The following ANO1 variants were observed in gnomAD, a reference collection of about 807,000 sequenced individuals.
ANO1 encodes anoctamin-1.
A neutral mutation model predicts 124.0 loss-of-function variants in ANO1; 59 were observed. The observed-to-expected ratio is 0.48, with a 90% CI of 0.39 to 0.59. ANO1 has a LOEUF of 0.59. Ranked by LOEUF, ANO1 falls within the 20% of genes least tolerant of loss-of-function variation. The pLI is 0.00. For missense variants in ANO1, 1,059 were observed against 1,328.0 expected (o/e 0.80, Z 3.15); for synonymous variants, 529 against 532.0 (o/e 0.99, Z 0.08).
chr11:69,975,474 C>G, the ANO1 span, among the ~76,000 whole-genome samples: 3 of 152,214 alleles, frequency 2.0e-5, no homozygotes, highest in African/African-American at 7.2e-5. Context: ...CCTATCTGTA[C>G]AAAGGAGGAT....
Position 70,128,916 on chromosome 11 carries a change from C to T in ANO1, c.1097+2721C>T, listed in dbSNP as rs1006849966. 3.3e-5 allele frequency among the ~76,000 whole-genome samples: 5 copies of T among 152,218 alleles called. No individual in the cohort carries two copies. The South Asian group carries it at 6.2e-4, about 19-fold the overall frequency. On this transcript the variant is annotated intron_variant, in intron 10 of 25. Coordinates refer to ENST00000355303, the MANE Select transcript of ANO1 (RefSeq NM_018043.7). The stretch of plus-strand genomic sequence containing the variant: ...GGCTCATGGGCAGGCCGTTGGTGTA[C>T]GCCTTGGCCCTGCCTGTCCCCAGTC...
intron 6 of ANO1, among the ~76,000 whole-genome samples, chr11:70,109,385 C>T (rs939973971): frequency 2.0e-5 from 3 of 152,128 alleles, no homozygotes; most frequent in Non-Finnish European, 4.4e-5. Flanking sequence ...GCTGCTTGGC[C>T]CCAGACCATA....
At chr11:70,069,635 T>G (rs1857819148) in intron 1 of ANO1, among the ~76,000 whole-genome samples, 1 of 152,184 alleles carries the variant, frequency 6.6e-6, no homozygotes, top group African/African-American at 2.4e-5. Flanking sequence ...AAGCCTGATT[T>G]CAGATGTAAT....
intron 1 of ANO1, among the ~76,000 whole-genome samples, chr11:70,010,179 G>GTGTATGTATA: frequency 2.4e-5 from 2 of 83,776 alleles, no homozygotes; most frequent in Non-Finnish European, 4.8e-5. Flanking sequence ...GTGTGTGTGT[G>GTGTATGTATA]TATATATATA....
At chr11:70,009,107 G>A (rs1199731664) in intron 1 of ANO1, among the ~76,000 whole-genome samples, 1 of 152,210 alleles carries the variant, frequency 6.6e-6, no homozygotes, top group Non-Finnish European at 1.5e-5. Context: ...AGACAATGGA[G>A]TGTCCTTAGC....
chr11:70,188,199 A>G lies in ANO1; in HGVS notation c.*195A>G, dbSNP rs1012696674. 4.5e-6 allele frequency: 3 copies of G among 670,606 alleles called. No homozygotes were observed. The highest frequency in any genetic ancestry group is 5.0e-6 in the Non-Finnish European group (2 of 403,620). The allele number at this position is 670,606 out of a possible 1,614,324, so 41.5% of individuals were successfully genotyped here. On this transcript the variant is annotated 3_prime_UTR_variant, in exon 26 of 26. Coordinates refer to ENST00000355303, the MANE Select transcript of ANO1 (RefSeq NM_018043.7). ...TCCCTTGTTTTTGCACAAAGCCATT[A>G]TGCAGGGAATATTTTTTAATCTGTA...
chr11:70,112,052 T>A (rs1207159687), intron 7 of ANO1, among the ~76,000 whole-genome samples: 2 of 152,224 alleles, frequency 1.3e-5, no homozygotes, highest in Non-Finnish European at 2.9e-5. Flanking sequence ...CCACAGAATG[T>A]CTTTCCTGGC....
chr11:70,135,035 C>G (rs1431246984), intron 11 of ANO1, among the ~76,000 whole-genome samples: 2 of 152,090 alleles, frequency 1.3e-5, no homozygotes, highest in Admixed American at 6.6e-5. Context: ...AGTCGGAGAC[C>G]GCAAGTCTAA....
intron 8 of ANO1, among the ~76,000 whole-genome samples, chr11:70,120,355 G>A (rs1250538046): frequency 6.6e-6 from 1 of 152,138 alleles, no homozygotes; most frequent in Admixed American, 6.5e-5. Flanking sequence ...AGGTGAGCAA[G>A]GCACGCCCCC....
intron 11 of ANO1, among the ~76,000 whole-genome samples, chr11:70,138,770 G>GT (rs1299849923): frequency 4.6e-5 from 7 of 151,206 alleles, no homozygotes; most frequent in African/African-American, 4.9e-5. Flanking sequence ...TTTAGTTGCA[G>GT]TTTTTTTTTC....
At chr11:70,185,206 C>G (rs531843526) in intron 24 of ANO1, among the ~76,000 whole-genome samples, 2 of 152,270 alleles carry the variant, frequency 1.3e-5, no homozygotes, top group South Asian at 2.1e-4. Flanking sequence ...ACTCTTGGGG[C>G]CTATTGGAGT....
At chr11:69,998,084 G>A (rs1245202879) in intron 1 of ANO1, among the ~76,000 whole-genome samples, 1 of 152,052 alleles carries the variant, frequency 6.6e-6, no homozygotes, top group Non-Finnish European at 1.5e-5. Context: ...GACCCTCCTG[G>A]ACCACTCCAT....
At chr11:69,986,667 A>C (rs951014643) in intron 1 of ANO1, among the ~76,000 whole-genome samples, 7 of 132,920 alleles carry the variant, frequency 5.3e-5, no homozygotes, top group Non-Finnish European at 9.4e-5. Flanking sequence ...AGGAACTTAG[A>C]GAGCCGGAGA....
At position 70,012,357 on chromosome 11, in the gene ANO1, TCCATCCATCCATTATTCCA is replaced by T. The variant is rs1555001249; in HGVS notation, c.58+26192_58+26210del. ...ATCTATCCATCCTTTCCTTCATCCATCCATCCATCCATTATTCCATCTATCCATCCTTTCCTTCATCCAT... is the reference window on the plus strand; with the variant it reads ...ATCTATCCATCCTTTCCTTCATCCATTCTATCCATCCTTTCCTTCATCCAT... On this transcript the variant is annotated intron_variant, in intron 1 of 27. Coordinates refer to the ANO1 transcript ENST00000531349. Among the ~76,000 whole-genome samples the T allele has an allele frequency of 3.3e-5, 5 of 151,718 alleles. No individual in the cohort carries two copies. The East Asian group carries it at 1.0e-3, about 32-fold the overall frequency.
At chr11:70,102,308 A>G (rs541133972) in intron 2 of ANO1, among the ~76,000 whole-genome samples, 4 of 152,252 alleles carry the variant, frequency 2.6e-5, no homozygotes, top group Non-Finnish European at 5.9e-5. Flanking sequence ...CAAGCTGGCC[A>G]TGAAGGTTGA....
At chr11:70,136,412 G>A (rs1477889913) in intron 11 of ANO1, among the ~76,000 whole-genome samples, 7 of 152,214 alleles carry the variant, frequency 4.6e-5, no homozygotes, top group East Asian at 1.9e-4. Flanking sequence ...GACCCTGAGA[G>A]TGAGTGTCGT....
At chr11:70,166,512 T>TA (rs2048260336) in intron 20 of ANO1, among the ~76,000 whole-genome samples, 1 of 152,098 alleles carries the variant, frequency 6.6e-6, no homozygotes, top group Non-Finnish European at 1.5e-5. Context: ...GCCTCGTTGT[T>TA]ACCTTGTACC....
At chr11:70,134,423 T>C (rs1278961961) in intron 11 of ANO1, among the ~76,000 whole-genome samples, 2 of 152,188 alleles carry the variant, frequency 1.3e-5, no homozygotes, top group Non-Finnish European at 2.9e-5. Context: ...AGACTCCCGC[T>C]CTGCCAGTTC....
At chr11:70,180,327 C>A (rs1590939578) in intron 23 of ANO1, among the ~76,000 whole-genome samples, 1 of 152,032 alleles carries the variant, frequency 6.6e-6, no homozygotes, top group Admixed American at 6.6e-5. Flanking sequence ...GGCTGCAGTA[C>A]AGTGGCACGA....
Sources: gnomAD v4.1 joint callset for allele counts (sites outside exome capture counted in the v4.1 genomes callset) on GRCh38, gnomAD v4.1.1 for gene constraint, MANE v1.5 for transcripts, NCBI Gene and HGNC (gene_info 2026-07-23, HGNC 2026-07-21) for gene names.